COPG2: variants seen among roughly 807,000 people sequenced by gnomAD.
COPG2 encodes coat protein complex I subunit gamma 2.
A neutral mutation model predicts 46.3 loss-of-function variants in COPG2; 37 were observed. That is an observed-to-expected ratio of 0.80 (90% confidence interval 0.61 to 1.05). The LOEUF is 1.05. Ranked by LOEUF, COPG2 falls within the 50% of genes least tolerant of loss-of-function variation. The pLI is 0.00. For synonymous variants in COPG2, 159 were observed against 129.7 expected, an observed-to-expected ratio of 1.23 and a Z score of -1.53; for missense variants, 427 against 387.8, an observed-to-expected ratio of 1.10 and a Z score of -0.85.
chr7:130,607,205 C>A (rs530724533), intron 9 of COPG2, among the ~76,000 whole-genome samples: 2 of 151,838 alleles, frequency 1.3e-5, no homozygotes, highest in Admixed American at 6.6e-5. Context: ...CACGCCACTG[C>A]AGTCCAGGCT....
At chr7:130,642,139 C>G (rs1267879457) in intron 5 of COPG2, among the ~76,000 whole-genome samples, 1 of 152,144 alleles carries the variant, frequency 6.6e-6, no homozygotes, top group Non-Finnish European at 1.5e-5. Flanking sequence ...TCCAGACTTT[C>G]ACTGGGTGGG....
chr7:130,587,349 A>G (rs991366375), intron 9 of COPG2, among the ~76,000 whole-genome samples: 1 of 152,100 alleles, frequency 6.6e-6, no homozygotes, highest in East Asian at 1.9e-4. Flanking sequence ...TATTCAAGAA[A>G]CTAACAGAAG....
intron 19 of COPG2, among the ~76,000 whole-genome samples, chr7:130,548,156 A>T (rs1456470162): frequency 6.6e-6 from 1 of 152,210 alleles, no homozygotes; most frequent in Non-Finnish European, 1.5e-5. Flanking sequence ...TGATTTTAGA[A>T]AATTGGTTAT....
intron 5 of COPG2, among the ~76,000 whole-genome samples, chr7:130,622,219 C>T (rs1344240760): frequency 2.6e-5 from 4 of 152,154 alleles, no homozygotes; most frequent in Non-Finnish European, 1.5e-5. Context: ...AGCAATCTTC[C>T]GAGGAGCCTT....
intron 21 of COPG2, 53 bp downstream of exon 21, chr7:130,508,509 T>A (rs1554440534): frequency 1.4e-6 from 1 of 720,360 alleles, no homozygotes; most frequent in African/African-American, 1.7e-5. Flanking sequence ...AAGGCAGAAG[T>A]CACTTAGTGT....
At chr7:130,510,195 G>A (rs371061983) in intron 20 of COPG2, 1 of 520,010 alleles carries the variant, frequency 1.9e-6, no homozygotes, top group Non-Finnish European at 3.8e-6. Context: ...AATTCAGAGA[G>A]CAGATGGATT....
intron 9 of COPG2, among the ~76,000 whole-genome samples, chr7:130,606,986 A>G (rs899486369): frequency 6.6e-6 from 1 of 152,100 alleles, no homozygotes; most frequent in African/African-American, 2.4e-5. Context: ...CACACCTATA[A>G]TACCAGCACT....
chr7:130,508,506 A>G (rs1228088050), intron 21 of COPG2, 56 bp downstream of exon 21: 2 of 718,252 alleles, frequency 2.8e-6, no homozygotes, highest in Non-Finnish European at 5.2e-6. Context: ...CTCAAGGCAG[A>G]AGTCACTTAG....
Position 130,551,267 on chromosome 7 carries a change from G to A in COPG2, c.1622C>T (p.Ala541Val). The A allele has an allele frequency of 2.5e-6, 1 of 398,542 alleles. No individual in the cohort carries two copies. Among genetic ancestry groups the A allele is most frequent in the Non-Finnish European group, 4.4e-6 (1 of 226,016 alleles). 24.7% of individuals were successfully genotyped at this position (398,542 alleles called of 1,614,324 possible). A position where few individuals can be genotyped will look rare whatever the true frequency, so the allele number is the denominator to read the frequency against. ...YLNVLQQRQM[A>V]LNATYIFNGL... Reference sequence around the variant, plus strand: ...ATTAAAGATATATGTGGCATTTAGTGCCATCTGCCTCTGCTGCAGCACATT... The same window carrying A: ...ATTAAAGATATATGTGGCATTTAGTACCATCTGCCTCTGCTGCAGCACATT... The change falls in exon 16 of 24, where the codon GCA becomes GTA. Residue 541 changes from alanine (A) to valine (V), a missense_variant. Transcript: ENST00000425248.
At chr7:130,530,399 G>T (rs1347427723) in intron 20 of COPG2, among the ~76,000 whole-genome samples, 3 of 152,198 alleles carry the variant, frequency 2.0e-5, no homozygotes, top group Admixed American at 6.5e-5. Flanking sequence ...AGGAGAAAAG[G>T]CTTGAGTGGA....
At chr7:130,599,912 T>C (rs1341715152) in intron 9 of COPG2, among the ~76,000 whole-genome samples, 1 of 152,228 alleles carries the variant, frequency 6.6e-6, no homozygotes, top group Admixed American at 6.5e-5. Flanking sequence ...ACAACTATTA[T>C]GTTTTATGCA....
chr7:130,622,697 A>C (rs1049839634), intron 5 of COPG2, among the ~76,000 whole-genome samples: 5 of 152,126 alleles, frequency 3.3e-5, no homozygotes, highest in Non-Finnish European at 5.9e-5. Context: ...CACCCATTCT[A>C]CATTTCCTTC....
chr7:130,652,735 T>C (rs1359508468), intron 5 of COPG2, 134 bp downstream of exon 5: 2 of 658,088 alleles, frequency 3.0e-6, no homozygotes, highest in Non-Finnish European at 5.2e-6. Flanking sequence ...AAACTTCATT[T>C]TAGAAAAGAA....
At chr7:130,628,472 C>T (rs1795161480) in intron 5 of COPG2, among the ~76,000 whole-genome samples, 1 of 151,984 alleles carries the variant, frequency 6.6e-6, no homozygotes, top group African/African-American at 2.4e-5. Flanking sequence ...ATTCCCAATA[C>T]TTTCCTTCTA....
At chr7:130,519,363 C>T (rs1038854197) in intron 20 of COPG2, among the ~76,000 whole-genome samples, 12 of 152,078 alleles carry the variant, frequency 7.9e-5, no homozygotes, top group African/African-American at 2.2e-4. Context: ...AAGATTAATG[C>T]GACGGACTTA....
At chr7:130,521,409 G>A (rs1799722122) in intron 20 of COPG2, among the ~76,000 whole-genome samples, 1 of 152,178 alleles carries the variant, frequency 6.6e-6, no homozygotes, top group African/African-American at 2.4e-5. Flanking sequence ...CTGGAAAGAA[G>A]AAATACCGAA....
chr7:130,548,657 C>T (rs1793483619), intron 18 of COPG2, 115 bp from the exon 19 acceptor site: 1 of 388,032 alleles, frequency 2.6e-6, no homozygotes, highest in African/African-American at 2.1e-5. Context: ...AATCCCAGCA[C>T]TTTGGGAGGC....
At chr7:130,625,687 A>C (rs1795106389) in intron 5 of COPG2, among the ~76,000 whole-genome samples, 1 of 151,076 alleles carries the variant, frequency 6.6e-6, no homozygotes, top group South Asian at 2.1e-4. Context: ...TTTTTTTACC[A>C]ACTTAGCTTA....
intron 3 of COPG2, 98 bp from the exon 4 acceptor site, chr7:130,663,136 T>C (rs1796010503): frequency 1.5e-6 from 1 of 647,948 alleles, no homozygotes; most frequent in Admixed American, 3.7e-5. Flanking sequence ...GCAAAAATCC[T>C]TTAGAACTCA....
Sources: allele counts gnomAD v4.1 joint callset (sites outside exome capture counted in the v4.1 genomes callset), GRCh38; gene constraint gnomAD v4.1.1; transcripts MANE v1.5; gene names NCBI Gene and HGNC (gene_info 2026-07-23, HGNC 2026-07-21).